Variants in DIP2B observed in about 807,000 individuals in gnomAD.
DIP2B encodes disco-interacting protein 2 homolog B.
In DIP2B, 76 loss-of-function variants were observed where a neutral mutation model predicts 198.0. The ratio of observed to expected loss-of-function variants is 0.38; its 90% CI spans 0.32 to 0.46. DIP2B has a LOEUF of 0.46. Ranked by LOEUF, DIP2B falls within the 20% of genes least tolerant of loss-of-function variation. DIP2B has a pLI of 0.99. For synonymous variants in DIP2B, 701 were observed against 739.1 expected, an observed-to-expected ratio of 0.95 and a Z score of 0.84; for missense variants, 1,559 against 1,978.4, an observed-to-expected ratio of 0.79 and a Z score of 4.02.
chr12:50,510,416 T>C (rs1186239311), intron 1 of DIP2B, among the ~76,000 whole-genome samples: 1 of 152,228 alleles, frequency 6.6e-6, no homozygotes, highest in Admixed American at 6.5e-5. Context: ...CACGCTTAGC[T>C]CAGCCCTTGG....
At chr12:50,667,655 G>C (rs1322417397) in intron 4 of DIP2B, among the ~76,000 whole-genome samples, 1 of 152,090 alleles carries the variant, frequency 6.6e-6, no homozygotes, top group African/African-American at 2.4e-5. Flanking sequence ...CATTTCTCAG[G>C]TGGCATCATT....
intron 18 of DIP2B, 99 bp from the exon 19 acceptor site, chr12:50,698,967 A>C: frequency 7.3e-7 from 1 of 1,377,950 alleles, no homozygotes; most frequent in East Asian, 2.3e-5. Context: ...AATGCCACTC[A>C]GTAAAGGCAG....
chr12:50,728,506 G>T, intron 29 of DIP2B, 42 bp from the exon 30 acceptor site: 2 of 1,591,836 alleles, frequency 1.3e-6, no homozygotes, highest in South Asian at 2.3e-5. Flanking sequence ...CTCTGCCTGT[G>T]GGATAACAGT....
chr12:50,520,789 CT>C (rs1958110281), intron 1 of DIP2B, among the ~76,000 whole-genome samples: 1 of 152,104 alleles, frequency 6.6e-6, no homozygotes, highest in South Asian at 2.1e-4. Flanking sequence ...AGTGAAAATG[CT>C]TTTCGGTTCA....
At chr12:50,585,505 G>A (rs1188871783) in intron 1 of DIP2B, among the ~76,000 whole-genome samples, 1 of 152,182 alleles carries the variant, frequency 6.6e-6, no homozygotes, top group Non-Finnish European at 1.5e-5. Flanking sequence ...GTGAATGTTG[G>A]GGGGAAGAGT....
At position 50,536,729 on chromosome 12, in the gene DIP2B, A is replaced by G. The variant is rs374345807; in HGVS notation, c.100+31489A>G. Among the ~76,000 whole-genome samples the G allele has an allele frequency of 4.7e-3, 718 of 151,982 alleles. 8 individuals carry two copies. Among genetic ancestry groups the G allele is most frequent in the African/African-American group, 0.016 (679 of 41,470 alleles). On this transcript the variant is annotated intron_variant, in intron 1 of 37. Transcript: ENST00000301180. ...ACTACAGTTGCATGCCACCATGCCCAGCTAATTTTTGTATTTTTTGGTAGA... is the reference window on the plus strand; with the variant it reads ...ACTACAGTTGCATGCCACCATGCCCGGCTAATTTTTGTATTTTTTGGTAGA...
chr12:50,508,446 G>T (rs200944808), intron 1 of DIP2B, among the ~76,000 whole-genome samples: 1 of 152,160 alleles, frequency 6.6e-6, no homozygotes, highest in Non-Finnish European at 1.5e-5. Context: ...TTATATTTGT[G>T]TAATGATCTT....
At chr12:50,541,734 G>T (rs936356005) in intron 1 of DIP2B, among the ~76,000 whole-genome samples, 1 of 152,204 alleles carries the variant, frequency 6.6e-6, no homozygotes, top group Admixed American at 6.5e-5. Flanking sequence ...GGATGCAGTG[G>T]CTCATGCCTG....
intron 1 of DIP2B, among the ~76,000 whole-genome samples, chr12:50,591,276 G>T (rs1006767954): frequency 2.0e-5 from 3 of 152,086 alleles, no homozygotes; most frequent in Non-Finnish European, 4.4e-5. Flanking sequence ...GAAACTAGAA[G>T]CTAAATTTAA....
chr12:50,701,942 A>G (rs999229519), intron 19 of DIP2B, among the ~76,000 whole-genome samples: 1 of 152,058 alleles, frequency 6.6e-6, no homozygotes, highest in Non-Finnish European at 1.5e-5. Context: ...TATAATTATT[A>G]TTTTATATAA....
chr12:50,601,842 C>A (rs1158333398), intron 1 of DIP2B, among the ~76,000 whole-genome samples: 1 of 152,234 alleles, frequency 6.6e-6, no homozygotes, highest in Non-Finnish European at 1.5e-5. Flanking sequence ...ATCTCATGCC[C>A]AGCTTCCAAT....
intron 1 of DIP2B, among the ~76,000 whole-genome samples, chr12:50,535,968 G>A (rs1297659673): frequency 1.3e-5 from 2 of 149,594 alleles, no homozygotes; most frequent in Non-Finnish European, 3.0e-5. Flanking sequence ...TTGTTCTTGC[G>A]ATAGTTTACT....
intron 1 of DIP2B, among the ~76,000 whole-genome samples, chr12:50,541,351 A>G (rs568660684): frequency 2.0e-5 from 3 of 151,218 alleles, no homozygotes; most frequent in Non-Finnish European, 4.4e-5. Flanking sequence ...AGCATTACAT[A>G]GGATAAAGGA....
At chr12:50,522,094 G>C (rs1025704952) in intron 1 of DIP2B, among the ~76,000 whole-genome samples, 2 of 151,884 alleles carry the variant, frequency 1.3e-5, no homozygotes, top group Non-Finnish European at 1.5e-5. Flanking sequence ...TCCGTGTCCG[G>C]GGTTCAAGTG....
intron 1 of DIP2B, among the ~76,000 whole-genome samples, chr12:50,529,878 A>T (rs772344604): frequency 1.3e-5 from 2 of 152,130 alleles, no homozygotes; most frequent in Non-Finnish European, 2.9e-5. Flanking sequence ...AAAAAGAAAA[A>T]AGAAAAAAAG....
rs548626843 is a variant in DIP2B, at chr12:50,513,507, A to T, written c.100+8267A>T. Among the ~76,000 whole-genome samples the T allele has an allele frequency of 1.2e-3, 186 of 152,332 alleles. 1 individual carries two copies. In the South Asian group the frequency reaches 0.038, roughly 31 times the overall value. On this transcript the variant is annotated intron_variant, in intron 1 of 37. Coordinates refer to ENST00000301180, the MANE Select transcript of DIP2B (RefSeq NM_173602.3). ...TGGATGTTTAGAACCTTCAGAAACG[A>T]TGGTTTTTACTCTTCCGTTTCATAT... is the stretch of plus-strand genomic sequence containing the variant.
chr12:50,675,300 T>C (rs779403965), intron 6 of DIP2B, 29 bp from the exon 7 acceptor site: 10 of 1,606,414 alleles, frequency 6.2e-6, no homozygotes, highest in Admixed American at 1.7e-5. Context: ...AGTCAATGAA[T>C]TTTAACTTAA....
At chr12:50,576,899 C>T (rs1167257503) in intron 1 of DIP2B, among the ~76,000 whole-genome samples, 5 of 144,898 alleles carry the variant, frequency 3.5e-5, no homozygotes, top group South Asian at 2.2e-4. Context: ...GTTTCGGTCT[C>T]GTTGCCCAGG....
chr12:50,721,499 A>G lies in DIP2B; in HGVS notation c.3166+103A>G, dbSNP rs1341880045. ...GAGCTACTCTCTATGACTTGCAAGC[A>G]GTGTACTTCCCAACACTTAGAAGAC... On this transcript the variant is annotated intron_variant, in intron 26 of 37. Transcript: ENST00000301180. 2.0e-6 allele frequency: 3 copies of G among 1,521,664 alleles called. No individual in the cohort carries two copies. The Admixed American group carries it at 5.8e-5, about 30-fold the overall frequency. The allele number at this position is 1,521,664 out of a possible 1,614,324, so 94.3% of individuals were successfully genotyped here.
Sources: gnomAD v4.1 joint callset for allele counts (sites outside exome capture counted in the v4.1 genomes callset) on GRCh38, gnomAD v4.1.1 for gene constraint, MANE v1.5 for transcripts, NCBI Gene and HGNC (gene_info 2026-07-23, HGNC 2026-07-21) for gene names.